IL1RAPL2: variants seen among roughly 807,000 people sequenced by gnomAD.
IL1RAPL2 encodes the protein X-linked interleukin-1 receptor accessory protein-like 2.
In IL1RAPL2, 3 loss-of-function variants were observed where a neutral mutation model predicts 44.1. The observed-to-expected ratio is 0.07, with a 90% CI of 0.03 to 0.18. The LOEUF is 0.18. Ranked by LOEUF, IL1RAPL2 falls within the 10% of genes least tolerant of loss-of-function variation. IL1RAPL2 has a pLI of 1.00. For missense variants in IL1RAPL2, 391 were observed against 496.4 expected, an observed-to-expected ratio of 0.79 and a Z score of 2.02; for synonymous variants, 181 against 178.8, an observed-to-expected ratio of 1.01 and a Z score of -0.10.
intron 5 of IL1RAPL2, among the ~76,000 whole-genome samples, chrX:105,331,184 C>T (rs1325380048): frequency 9.0e-6 from 1 of 111,270 alleles, no homozygotes; most frequent in Admixed American, 9.6e-5. Context: ...TTACAACACA[C>T]AGAACATTTT....
At chrX:105,381,458 A>T (rs1476537830) in intron 5 of IL1RAPL2, among the ~76,000 whole-genome samples, 1 of 111,632 alleles carries the variant, frequency 9.0e-6, no homozygotes, top group East Asian at 2.8e-4. Context: ...CATGTGGATA[A>T]AGTAAAATGT....
intron 5 of IL1RAPL2, chrX:105,405,719 C>A: frequency 2.1e-6 from 2 of 962,760 alleles, no homozygotes; most frequent in Non-Finnish European, 3.0e-6. Context: ...ATGAATATGA[C>A]TGATTGTCAC....
At chrX:104,947,534 G>A (rs1179708089) in intron 2 of IL1RAPL2, among the ~76,000 whole-genome samples, 2 of 103,345 alleles carry the variant, frequency 1.9e-5, no homozygotes, top group Non-Finnish European at 4.0e-5. Flanking sequence ...TTCTTCTAGG[G>A]TTTTTATGGT....
At chrX:104,603,086 G>A (rs1352297976) in intron 1 of IL1RAPL2, among the ~76,000 whole-genome samples, 2 of 111,483 alleles carry the variant, frequency 1.8e-5, no homozygotes, top group Non-Finnish European at 3.8e-5. Flanking sequence ...AGCTCTGGCT[G>A]ACATCTGGCA....
At chrX:105,618,301 A>G (rs1287398676) in intron 6 of IL1RAPL2, among the ~76,000 whole-genome samples, 1 of 110,480 alleles carries the variant, frequency 9.1e-6, no homozygotes, top group Non-Finnish European at 1.9e-5. Context: ...AGGAGGGAGA[A>G]CATCAGGAAA....
At chrX:105,328,954 A>T (rs1048811993) in intron 5 of IL1RAPL2, among the ~76,000 whole-genome samples, 33 of 112,320 alleles carry the variant, frequency 2.9e-4, no homozygotes, top group Non-Finnish European at 5.5e-4. Flanking sequence ...GAATTTCCTG[A>T]CACATTTCTT....
intron 5 of IL1RAPL2, among the ~76,000 whole-genome samples, chrX:105,468,350 G>T (rs1421923856): frequency 9.0e-6 from 1 of 111,575 alleles, no homozygotes; most frequent in Non-Finnish European, 1.9e-5. Context: ...AAGGGAGGCT[G>T]GCAAATGTGT....
chrX:104,829,352 G>A (rs1921548053), intron 2 of IL1RAPL2, among the ~76,000 whole-genome samples: 1 of 111,397 alleles, frequency 9.0e-6, no homozygotes, highest in South Asian at 3.8e-4. Context: ...CTCACTGCAG[G>A]GTCACCCACG....
At position 105,370,415 on chromosome X, in the gene IL1RAPL2, C is replaced by T. The variant is rs181712624; in HGVS notation, c.697+102874C>T. Among the ~76,000 whole-genome samples, 529 of 111,238 alleles carry T rather than the reference C, an allele frequency of 4.8e-3. 4 individuals carry two copies. The highest frequency in any genetic ancestry group is 0.016 in the African/African-American group (500 of 30,562). On this transcript the variant is annotated intron_variant, in intron 5 of 10. Transcript: ENST00000372582. ...AAATAGGCCCTGGTGTCTATTGTTCCCTTTTTTTGTGTCCATGTGTACAAA... is the reference window on the plus strand; with the variant it reads ...AAATAGGCCCTGGTGTCTATTGTTCTCTTTTTTTGTGTCCATGTGTACAAA...
At chrX:104,894,829 G>A (rs1293366011) in intron 2 of IL1RAPL2, among the ~76,000 whole-genome samples, 1 of 112,348 alleles carries the variant, frequency 8.9e-6, no homozygotes, top group Non-Finnish European at 1.9e-5. Flanking sequence ...TTGCTGGCAA[G>A]GAACTGTGTT....
Position 104,647,292 on chromosome X carries a change from C to T in IL1RAPL2, c.-19-11603C>T, listed in dbSNP as rs181964604. 6.7e-4 allele frequency: 282 copies of T among 421,123 alleles called. 1 individual carries two copies. Among genetic ancestry groups the T allele is most frequent in the African/African-American group, 6.2e-3 (252 of 40,866 alleles). The allele number at this position is 421,123 out of a possible 1,213,427, so 34.7% of individuals were successfully genotyped here. A position where few individuals can be genotyped will look rare whatever the true frequency, so the allele number is the denominator to read the frequency against. Reference sequence around the variant, plus strand: ...TCTGCAGCTTCCAGCACGCTCAGCTCGATCAGGCCGTCCCCTGCGGTGGCC... The same window carrying T: ...TCTGCAGCTTCCAGCACGCTCAGCTTGATCAGGCCGTCCCCTGCGGTGGCC... On this transcript the variant is annotated intron_variant, in intron 1 of 10. Transcript: ENST00000372582.
At chrX:105,221,087 G>A (rs2033958165) in intron 3 of IL1RAPL2, among the ~76,000 whole-genome samples, 1 of 111,982 alleles carries the variant, frequency 8.9e-6, no homozygotes, top group African/African-American at 3.2e-5. Flanking sequence ...ATACAGGTTA[G>A]TGACCTTTTT....
chrX:105,746,471 C>T (rs942512046), intron 8 of IL1RAPL2, among the ~76,000 whole-genome samples: 5 of 111,926 alleles, frequency 4.5e-5, no homozygotes, highest in African/African-American at 1.3e-4. Flanking sequence ...AGGGTGATGG[C>T]AATTCTGCCC....
chrX:104,760,201 C>T (rs1225701587), intron 2 of IL1RAPL2, among the ~76,000 whole-genome samples: 3 of 112,206 alleles, frequency 2.7e-5, no homozygotes, highest in African/African-American at 9.7e-5. Flanking sequence ...ATACAGATCC[C>T]TTCCAAATAT....
chrX:105,009,705 T>A (rs7886324), intron 2 of IL1RAPL2, among the ~76,000 whole-genome samples: 2,061 of 108,728 alleles, frequency 0.019, 51 homozygotes, highest in African/African-American at 0.064. Flanking sequence ...CATATGTAAC[T>A]AACCTGCACA....
intron 5 of IL1RAPL2, among the ~76,000 whole-genome samples, chrX:105,457,365 C>T (rs970182211): frequency 8.1e-5 from 9 of 110,738 alleles, no homozygotes; most frequent in African/African-American, 2.9e-4. Flanking sequence ...TTTTAACCAT[C>T]TCCAACATGA....
chrX:105,159,813 G>A (rs2033304914), intron 2 of IL1RAPL2, among the ~76,000 whole-genome samples: 1 of 111,524 alleles, frequency 9.0e-6, no homozygotes. Flanking sequence ...GGCTTAATCT[G>A]ATACCAGAGA....
Position 105,724,309 on chromosome X carries a change from C to T in IL1RAPL2, c.902+6813C>T, listed in dbSNP as rs745679220. Among the ~76,000 whole-genome samples, 3 of 111,331 alleles carry T rather than the reference C, an allele frequency of 2.7e-5. No homozygotes were observed. In the South Asian group the frequency reaches 1.1e-3, roughly 42 times the overall value. On this transcript the variant is annotated intron_variant, in intron 7 of 10. Transcript: ENST00000372582. ...ATAACATCTGTACTCAGCATTTCCC[C>T]TGCTGCTTGAATAGCATTTTAGATC...
chrX:105,028,897 G>A (rs1006996425), intron 2 of IL1RAPL2, among the ~76,000 whole-genome samples: 10 of 110,346 alleles, frequency 9.1e-5, no homozygotes, highest in Non-Finnish European at 1.7e-4. Context: ...GAGGGGTTAC[G>A]AGCATAAATA....
Sources: gnomAD v4.1 joint callset for allele counts (sites outside exome capture counted in the v4.1 genomes callset) on GRCh38, gnomAD v4.1.1 for gene constraint, MANE v1.5 for transcripts, NCBI Gene and HGNC (gene_info 2026-07-23, HGNC 2026-07-21) for gene names.